The following AHRR variants were observed in gnomAD, a reference collection of about 807,000 sequenced individuals.
The protein encoded by AHRR is ahR repressor.
In AHRR, 28 loss-of-function variants were observed where a neutral mutation model predicts 44.0. The observed-to-expected ratio is 0.64, with a 90% CI of 0.47 to 0.87. The LOEUF (loss-of-function observed/expected upper bound fraction) is 0.87. AHRR is among the 40% of genes least tolerant of loss of function. The probability of loss-of-function intolerance (pLI) is 0.00; values close to 1 mark genes in which losing one functional copy is unlikely to be tolerated. For synonymous variants in AHRR, 434 were observed against 407.0 expected (o/e 1.07, Z -0.80); for missense variants, 990 against 953.9 (o/e 1.04, Z -0.50).
intron 6 of AHRR, among the ~76,000 whole-genome samples, chr5:423,221 A>C (rs1158430483): frequency 6.6e-6 from 1 of 152,172 alleles, no homozygotes; most frequent in Non-Finnish European, 1.5e-5. Context: ...TTTGCTTCAT[A>C]CTAGAGTTAT....
rs776587955 is a variant in AHRR at position 434,097 on chromosome 5, C to T, written c.1357C>T (p.Pro453Ser). Residue 453 changes from proline (P) to serine (S), a missense_variant, in exon 11 of 11, where the codon CCG (proline) becomes TCG (serine). Coordinates refer to ENST00000684583, the MANE Select transcript of AHRR (RefSeq NM_001377236.1). ...TFRNSPISHP[P>S]SPSPSAYSSR... The stretch of plus-strand genomic sequence containing the variant: ...CAGGAACTCGCCCATCTCTCACCCG[C>T]CGAGCCCGTCCCCCAGTGCCTACTC... 14 of 1,613,124 alleles carry T rather than the reference C, an allele frequency of 8.7e-6. No individual in the cohort carries two copies. Among genetic ancestry groups the T allele is most frequent in the Non-Finnish European group, 4.2e-6 (5 of 1,179,966 alleles).
At chr5:414,344 G>A (rs1408901875) in intron 5 of AHRR, among the ~76,000 whole-genome samples, 2 of 152,132 alleles carry the variant, frequency 1.3e-5, no homozygotes, top group African/African-American at 4.8e-5. Context: ...CTGGGGAGGA[G>A]CTGGGGTCCC....
chr5:328,503 G>A (rs534311207), intron 1 of AHRR, among the ~76,000 whole-genome samples: 62 of 151,848 alleles, frequency 4.1e-4, no homozygotes, highest in African/African-American at 1.4e-3. Context: ...CACCCACCTC[G>A]GCCTCCCAAA....
At chr5:381,506 CTTTTTTTTTTTTTTTT>C (rs781159124) in intron 4 of AHRR, among the ~76,000 whole-genome samples, 2 of 46,892 alleles carry the variant, frequency 4.3e-5, no homozygotes, top group Non-Finnish European at 7.5e-5. Flanking sequence ...CTTAGGTTTG[CTTTTTTTTTTTTTTTT>C]TTTTTTTTTT....
At chr5:399,051 T>C (rs954078591) in intron 4 of AHRR, among the ~76,000 whole-genome samples, 23 of 152,194 alleles carry the variant, frequency 1.5e-4, no homozygotes, top group Admixed American at 9.2e-4. Context: ...TCCTACCGGG[T>C]GGTTCTTATC....
At chr5:424,674 C>T (rs1736306584) in intron 7 of AHRR, among the ~76,000 whole-genome samples, 1 of 152,210 alleles carries the variant, frequency 6.6e-6, no homozygotes, top group Non-Finnish European at 1.5e-5. Context: ...TGCCCCACAT[C>T]TGCCAAGGGC....
Position 342,529 on chromosome 5 carries a change from C to T in AHRR, c.-10-1364C>T, listed in dbSNP as rs1182040611. On this transcript the variant is annotated intron_variant, in intron 1 of 10. Transcript: ENST00000684583. This position sits in a 1 kb window ranked among gnomAD's most constrained non-coding sequence, Gnocchi z 4.3. The stretch of plus-strand genomic sequence containing the variant: ...ATCTTTTTCTATCCATTTACTTTAT[C>T]TACCTAAGTCTTTACAGTCCAAGTG... Among the ~76,000 whole-genome samples the T allele has an allele frequency of 6.6e-6, 1 of 152,202 alleles. No individual in the cohort carries two copies. The highest frequency in any genetic ancestry group is 6.5e-5 in the Admixed American group (1 of 15,278).
intron 5 of AHRR, among the ~76,000 whole-genome samples, chr5:421,709 C>CA (rs1397167143): frequency 1.3e-5 from 2 of 152,140 alleles, no homozygotes; most frequent in Non-Finnish European, 2.9e-5. Context: ...GAGGCACAGA[C>CA]AGAGTCCAGC....
intron 3 of AHRR, among the ~76,000 whole-genome samples, chr5:366,216 T>C (rs1195700847): frequency 2.0e-5 from 3 of 152,148 alleles, no homozygotes; most frequent in African/African-American, 7.2e-5. Flanking sequence ...TTTCAAGAGC[T>C]GGAGCAGACA....
At chr5:424,582 C>T (rs537349358) in intron 7 of AHRR, among the ~76,000 whole-genome samples, 4 of 151,780 alleles carry the variant, frequency 2.6e-5, no homozygotes, top group Admixed American at 6.6e-5. Flanking sequence ...CAAGCCAGGT[C>T]GATGAGAATG....
chr5:399,243 A>T (rs569561818), intron 4 of AHRR, among the ~76,000 whole-genome samples: 1 of 152,250 alleles, frequency 6.6e-6, no homozygotes, highest in South Asian at 2.1e-4. Context: ...AGGCTTAGGG[A>T]TCGGCAGGGG....
intron 5 of AHRR, 49 bp downstream of exon 5, chr5:413,482 T>G: frequency 1.7e-4 from 218 of 1,306,306 alleles, no homozygotes; most frequent in Non-Finnish European, 2.1e-4. Context: ...CTATGTTGTC[T>G]TCCCTTTGTA....
chr5:325,093 C>T (rs533567092), intron 1 of AHRR, among the ~76,000 whole-genome samples: 34 of 152,330 alleles, frequency 2.2e-4, no homozygotes, highest in African/African-American at 7.7e-4. Flanking sequence ...TCCGGCTACT[C>T]GGAAGGGAGT....
rs115432082 is a variant in AHRR, at chr5:437,815, C to T, written c.*2981C>T. On this transcript the variant is annotated 3_prime_UTR_variant, in exon 11 of 11. Transcript: ENST00000684583. ...AGCCTGGGATCAGCGAGGTGTCCGA[C>T]ATCCCTTCCTCAACGGCAACAAAAA... 584 of 152,512 alleles carry T rather than the reference C, an allele frequency of 3.8e-3. 2 individuals carry two copies. Among genetic ancestry groups the T allele is most frequent in the Middle Eastern group, 6.8e-3 (2 of 294 alleles). 9.4% of individuals were successfully genotyped at this position (152,512 alleles called of 1,614,324 possible).
At chr5:382,374 G>T (rs1420490259) in intron 4 of AHRR, among the ~76,000 whole-genome samples, 1 of 152,144 alleles carries the variant, frequency 6.6e-6, no homozygotes, top group East Asian at 1.9e-4. Flanking sequence ...TAGGTGAATT[G>T]TACTAGTTTG....
rs1355796770 is a variant in AHRR at position 435,484 on chromosome 5, T to TGCCCCACACC, written c.*652_*661dup. On this transcript the variant is annotated 3_prime_UTR_variant, in exon 11 of 11. Coordinates refer to ENST00000684583, the MANE Select transcript of AHRR (RefSeq NM_001377236.1). ...GAGGCTGGCAGCGTGGGTCCCACACTGCCCCACACCGTGCGGCAGGTGCTC... is the reference window on the plus strand; with the variant it reads ...GAGGCTGGCAGCGTGGGTCCCACACTGCCCCACACCGCCCCACACCGTGCGGCAGGTGCTC... The TGCCCCACACC allele has an allele frequency of 2.0e-5, 3 of 152,674 alleles. No homozygotes were observed. Among genetic ancestry groups the TGCCCCACACC allele is most frequent in the African/African-American group, 4.8e-5 (2 of 41,454 alleles). The allele number at this position is 152,674 out of a possible 1,614,324, so 9.5% of individuals were successfully genotyped here.
At chr5:376,534 C>G (rs1733675151) in intron 3 of AHRR, 76 bp from the exon 4 acceptor site, 6 of 1,464,500 alleles carry the variant, frequency 4.1e-6, no homozygotes, top group Non-Finnish European at 5.5e-6. Context: ...CGGGGAAACA[C>G]AGGAAAGATG....
chr5:413,506 G>A (rs2261623), intron 5 of AHRR, 73 bp downstream of exon 5: 137,614 of 1,190,546 alleles, frequency 0.12, 12,487 homozygotes, highest in African/African-American at 0.46. Context: ...GTTTGTTGTC[G>A]TCAAGGTTTG....
In AHRR at chr5:432,688, C is replaced by A. The variant is rs1195668714; in HGVS notation, c.971-118C>A. 3 of 1,559,058 alleles carry A rather than the reference C, an allele frequency of 1.9e-6. No individual in the cohort carries two copies. The African/African-American group carries it at 4.1e-5, about 21-fold the overall frequency. On this transcript the variant is annotated intron_variant, in intron 9 of 10. Coordinates refer to ENST00000684583, the MANE Select transcript of AHRR (RefSeq NM_001377236.1). ...TGTGGACAAGTGCCGTTCCTGGGCT[C>A]TGGTCTGTGCATTTCTGAGGAGCCG... is the stretch of plus-strand genomic sequence containing the variant.
Sources: gnomAD v4.1 joint callset for allele counts (sites outside exome capture counted in the v4.1 genomes callset) on GRCh38, gnomAD v4.1.1 for gene constraint, Gnocchi (gnomAD v3.1) non-coding constraint, MANE v1.5 for transcripts, NCBI Gene and HGNC (gene_info 2026-07-23, HGNC 2026-07-21) for gene names.